The following MUC4 variants were observed in gnomAD, a reference collection of about 807,000 sequenced individuals.
MUC4 encodes mucin-4.
MUC4 carries 202 observed loss-of-function variants against 257.9 expected under a neutral mutation model. That is an observed-to-expected ratio of 0.78 (90% confidence interval 0.70 to 0.88). MUC4 has a LOEUF of 0.88. Ranked by LOEUF, MUC4 falls within the 40% of genes least tolerant of loss-of-function variation. MUC4 has a pLI of 0.00. For missense variants in MUC4, 5,976 were observed against 6,513.7 expected, an observed-to-expected ratio of 0.92 and a Z score of 2.84; for synonymous variants, 2,351 against 2,757.1, an observed-to-expected ratio of 0.85 and a Z score of 4.62.
rs71180950 is a variant in MUC4, at chr3:195,746,885, C to CGTGTGT, written c.*285_*290dup. The CGTGTGT allele has an allele frequency of 2.8e-4, 138 of 485,610 alleles. No homozygotes were observed. The highest frequency in any genetic ancestry group is 2.4e-3 in the African/African-American group (124 of 51,002). The allele number at this position is 485,610 out of a possible 1,614,324, so 30.1% of individuals were successfully genotyped here. A position where few individuals can be genotyped will look rare whatever the true frequency, so the allele number is the denominator to read the frequency against. On this transcript the variant is annotated 3_prime_UTR_variant, in exon 25 of 25. Coordinates refer to ENST00000463781, the MANE Select transcript of MUC4 (RefSeq NM_018406.7). ...TAGGGCCATCACCACATTATGAACT[C>CGTGTGT]GTGTGTGTGTGTGTGTGTGTGCACG... is the stretch of plus-strand genomic sequence containing the variant.
chr3:195,757,043 C>T lies in MUC4; in HGVS notation c.15168+104G>A. The stretch of plus-strand genomic sequence containing the variant: ...TCACCTACCACTGCTCCACCCATCT[C>T]CCAACACAGACACACCCAGGACAGG... On this transcript the variant is annotated intron_variant, in intron 18 of 24. Coordinates refer to ENST00000463781, the MANE Select transcript of MUC4 (RefSeq NM_018406.7). This position sits in a 1 kb window ranked among gnomAD's most constrained non-coding sequence, Gnocchi z 4.8. The T allele has an allele frequency of 8.1e-7, 1 of 1,235,240 alleles. No homozygotes were observed. Among genetic ancestry groups the T allele is most frequent in the Non-Finnish European group, 1.1e-6 (1 of 872,760 alleles). 76.5% of individuals were successfully genotyped at this position (1,235,240 alleles called of 1,614,324 possible).
At position 195,757,074 on chromosome 3, in the gene MUC4, T is replaced by C; in HGVS notation, c.15168+73A>G. On this transcript the variant is annotated intron_variant, in intron 18 of 24. Coordinates refer to ENST00000463781, the MANE Select transcript of MUC4 (RefSeq NM_018406.7). This position sits in a 1 kb window ranked among gnomAD's most constrained non-coding sequence, Gnocchi z 4.8. ...ACAGACACACCCAGGACAGGCAGAA[T>C]CACAGCATCCATTCCACTCCCATTT... 1.4e-6 allele frequency: 2 copies of C among 1,473,844 alleles called. No homozygotes were observed. Among genetic ancestry groups the C allele is most frequent in the Non-Finnish European group, 1.9e-6 (2 of 1,075,508 alleles). 91.3% of individuals were successfully genotyped at this position (1,473,844 alleles called of 1,614,324 possible).
intron 9 of MUC4, 43 bp downstream of exon 9, chr3:195,765,227 A>G (rs747711598): frequency 1.8e-5 from 27 of 1,510,074 alleles, no homozygotes; most frequent in Non-Finnish European, 2.2e-5. Flanking sequence ...GTGAGCAGAG[A>G]GGGTGGTGGG....
rs1225390620 is a variant in MUC4 at position 195,783,960 on chromosome 3, A to C, written c.7620T>G (p.Arg2540=). Residue 2540 remains arginine (R), a synonymous_variant, in exon 2 of 25, where the codon CGT becomes CGG. Coordinates refer to ENST00000463781, the MANE Select transcript of MUC4 (RefSeq NM_018406.7). ...TGGTGACATGAAGAGAGGTGGCGTGACGTGTGGATAATGAGGAAGCATTGG... is the reference window on the plus strand; with the variant it reads ...TGGTGACATGAAGAGAGGTGGCGTGCCGTGTGGATAATGAGGAAGCATTGG... The part of the protein sequence containing the change: ...PVTNASSLST[R]HATSLHVTSP... The C allele has an allele frequency of 4.6e-6, 7 of 1,521,862 alleles. No individual in the cohort carries two copies. Among genetic ancestry groups the C allele is most frequent in the Non-Finnish European group, 6.2e-6 (7 of 1,132,776 alleles). 94.3% of individuals were successfully genotyped at this position (1,521,862 alleles called of 1,614,324 possible). A position where few individuals can be genotyped will look rare whatever the true frequency, so the allele number is the denominator to read the frequency against.
In MUC4 at chr3:195,767,727, T is replaced by TCACCAC. The variant is rs1560264103; in HGVS notation, c.13530-982_13530-977dup. Among the ~76,000 whole-genome samples, 12 of 1,644 alleles carry TCACCAC rather than the reference T, an allele frequency of 7.3e-3. 3 individuals carry two copies. The highest frequency in any genetic ancestry group is 0.018 in the Admixed American group (3 of 164). The allele number at this position is 1,644 out of a possible 152,430, so 1.1% of individuals were successfully genotyped here. ...ATACCACCATCGGCCACCACCACCA[T>TCACCAC]CACCACCACCATCACCATCGCCACC... On this transcript the variant is annotated intron_variant, in intron 7 of 24. Transcript: ENST00000463781.
At chr3:195,807,811 C>A (rs1215593465) in intron 1 of MUC4, among the ~76,000 whole-genome samples, 2 of 152,362 alleles carry the variant, frequency 1.3e-5, no homozygotes, top group East Asian at 3.9e-4. Context: ...AAAGGCCAAC[C>A]ACTTCTTGTC....
chr3:195,765,727 C>G (rs1217351324), intron 8 of MUC4, among the ~76,000 whole-genome samples: 1 of 152,236 alleles, frequency 6.6e-6, no homozygotes, highest in East Asian at 1.9e-4. Context: ...TGTCCTTCAA[C>G]CTATCACATT....
In MUC4 at chr3:195,808,932, C is replaced by T. The variant is rs889172859; in HGVS notation, c.82+2804G>A. Among the ~76,000 whole-genome samples, 7 of 152,276 alleles carry T rather than the reference C, an allele frequency of 4.6e-5. No homozygotes were observed. The South Asian group carries it at 8.3e-4, about 18-fold the overall frequency. On this transcript the variant is annotated intron_variant, in intron 1 of 24. Coordinates refer to ENST00000463781, the MANE Select transcript of MUC4 (RefSeq NM_018406.7). ...GGAGGGGCCCATAAAGACCCTTCCC[C>T]GTGGAGTGCGCTGTGGCCGGCGTCC...
chr3:195,770,926 C>T (rs1383292939), intron 5 of MUC4: 7 of 454,510 alleles, frequency 1.5e-5, no homozygotes, highest in Non-Finnish European at 3.1e-5. Flanking sequence ...AGCCCCCATC[C>T]CCCGTCACCT....
Position 195,788,765 on chromosome 3 carries a change from G to A in MUC4, c.2815C>T (p.Pro939Ser), listed in dbSNP as rs373436111. Reference protein sequence around the residue: ...TDTFSTVPPTPPSITSTGLTS... With the variant: ...TDTFSTVPPTSPSITSTGLTS... ...AGCCCAGTGGATGTGATCGATGGAG[G>A]TGTGGGTGGGACTGTTGAGAAGGTG... Residue 939 changes from proline (P) to serine (S), a missense_variant, in exon 2 of 25, where the codon CCT becomes TCT. Pro to Ser is a moderately conservative substitution (Grantham distance 74). Coordinates refer to ENST00000463781, the MANE Select transcript of MUC4 (RefSeq NM_018406.7). The A allele has an allele frequency of 5.0e-6, 8 of 1,613,778 alleles. No homozygotes were observed. Among genetic ancestry groups the A allele is most frequent in the African/African-American group, 1.3e-5 (1 of 74,862 alleles).
At position 195,782,213 on chromosome 3, in the gene MUC4, C is replaced by G; in HGVS notation, c.9367G>C (p.Val3123Leu). The G allele has an allele frequency of 1.5e-5, 21 of 1,400,146 alleles. No individual in the cohort carries two copies. Among genetic ancestry groups the G allele is most frequent in the East Asian group, 3.6e-5 (1 of 27,672 alleles). The allele number at this position is 1,400,146 out of a possible 1,614,324, so 86.7% of individuals were successfully genotyped here. ...GTGGATGCTGAGGAAGTGTCGGTGA[C>G]AGGAAGAGGGGTGGTGTGACCTGTG... The part of the protein sequence containing the change: ...ASTGHTTPLP[V>L]TDTSSASTGQ... The change falls in exon 2 of 25, where the codon GTC (valine) becomes CTC (leucine). Residue 3123 changes from valine to leucine, a missense_variant. By Grantham distance (32) the Val-to-Leu change is conservative. Around this residue, in one of 44 missense-constraint regions of MUC4, gnomAD observed 128 missense variants for 104.8 expected, o/e 1.22. Coordinates refer to ENST00000463781, the MANE Select transcript of MUC4 (RefSeq NM_018406.7).
chr3:195,770,081 G>T, intron 6 of MUC4, 135 bp downstream of exon 6: 2 of 916,166 alleles, frequency 2.2e-6, no homozygotes, highest in Non-Finnish European at 3.1e-6. Context: ...GTGGGGGGGT[G>T]GCGGTGGGGG....
At position 195,790,109 on chromosome 3, in the gene MUC4, A is replaced by G. The variant is rs11923648; in HGVS notation, c.1471T>C (p.Ser491Pro). Residue 491 changes from serine to proline, a missense_variant, in exon 2 of 25, where the codon TCA becomes CCA. Around this residue, in one of 44 missense-constraint regions of MUC4, gnomAD observed 1,583 missense variants for 1,257.4 expected, o/e 1.26. Transcript: ENST00000463781. ...GTTGTGTGGCCTTTGCTGGAGAATGAGGAAGGCCATGTTGTTGTTTCATGT... is the reference window on the plus strand; with the variant it reads ...GTTGTGTGGCCTTTGCTGGAGAATGGGGAAGGCCATGTTGTTGTTTCATGT... ...TLHETTTWPS[S>P]FSSKGHTTWS... is the part of the protein sequence containing the mutation. 0.03 allele frequency: 47,725 copies of G among 1,613,924 alleles called. 1,071 individuals carry two copies. The highest frequency in any genetic ancestry group is 0.1 in the African/African-American group (7,560 of 75,024).
rs1273347849 is a variant in MUC4 at position 195,762,067 on chromosome 3, C to T, written c.14512+20G>A. 9 of 1,571,274 alleles carry T rather than the reference C, an allele frequency of 5.7e-6. No individual in the cohort carries two copies. The highest frequency in any genetic ancestry group is 7.7e-6 in the Non-Finnish European group (9 of 1,164,304). ...GGCTGGCTCCGCGGAGCCTCAGAGG[C>T]AGGTCCGAGCCGCCCTCACCCAGGA... On this transcript the variant is annotated intron_variant, in intron 14 of 24. Transcript: ENST00000463781.
intron 7 of MUC4, among the ~76,000 whole-genome samples, chr3:195,767,647 A>G (rs1446139862): frequency 1.0e-5 from 1 of 98,264 alleles, no homozygotes; most frequent in Non-Finnish European, 1.8e-5. Context: ...CACCATCGCC[A>G]CCACCACCAC....
chr3:195,800,509 T>C (rs1735162320), intron 1 of MUC4, among the ~76,000 whole-genome samples: 1 of 152,166 alleles, frequency 6.6e-6, no homozygotes, highest in Non-Finnish European at 1.5e-5. Context: ...GAGATTAGCA[T>C]TCGTTACGAC....
chr3:195,767,712 CG>C (rs370088513), intron 7 of MUC4, among the ~76,000 whole-genome samples: 1,135 of 2,762 alleles, frequency 0.41, 161 homozygotes, highest in Middle Eastern at 0.67. Flanking sequence ...ATACCACCAT[CG>C]GCCACCACCA....
chr3:195,788,620 G>T lies in MUC4; in HGVS notation c.2960C>A (p.Thr987Lys), dbSNP rs368703406. Residue 987 changes from threonine to lysine, a missense_variant, in exon 2 of 25, where the codon ACA becomes AAA. By Grantham distance (78) the Thr-to-Lys change is moderately conservative (BLOSUM62 -1). Around this residue, in one of 44 missense-constraint regions of MUC4, gnomAD observed 1,583 missense variants for 1,257.4 expected, o/e 1.26. Transcript: ENST00000463781. ...GACATGAAGAGGGGTGGTGTGACCT[G>T]TGGATGCCGAGGAAGCGTAGGTGAC... ...LPVTYASSAS[T>K]GHTTPLHVTD... is the part of the protein sequence containing the mutation. The T allele has an allele frequency of 5.0e-6, 8 of 1,597,842 alleles. No homozygotes were observed. The highest frequency in any genetic ancestry group is 6.8e-6 in the Non-Finnish European group (8 of 1,171,826).
At chr3:195,795,917 G>A (rs1369960402) in intron 1 of MUC4, among the ~76,000 whole-genome samples, 2 of 150,804 alleles carry the variant, frequency 1.3e-5, no homozygotes, top group African/African-American at 2.4e-5. Context: ...ACAAAAAAGG[G>A]TACATAACTT....
Sources: gnomAD v4.1 joint callset for allele counts (sites outside exome capture counted in the v4.1 genomes callset) on GRCh38, gnomAD v4.1.1 for gene constraint, gnomAD v4.1.1 regional missense constraint, Gnocchi (gnomAD v3.1) non-coding constraint, MANE v1.5 for transcripts, NCBI Gene and HGNC (gene_info 2026-07-23, HGNC 2026-07-21) for gene names.